SLC28A1: variants seen among roughly 807,000 people sequenced by gnomAD.
SLC28A1 encodes the protein solute carrier family 28 member 1, also known as sodium/nucleoside cotransporter 1.
A neutral mutation model predicts 74.8 loss-of-function variants in SLC28A1; 64 were observed. The ratio of observed to expected loss-of-function variants is 0.86; its 90% CI spans 0.70 to 1.05. The LOEUF (loss-of-function observed/expected upper bound fraction) is 1.05. SLC28A1 is among the 50% of genes least tolerant of loss of function. SLC28A1 has a pLI of 0.00. For synonymous variants in SLC28A1, 359 were observed against 335.0 expected, an observed-to-expected ratio of 1.07 and a Z score of -0.78; for missense variants, 828 against 822.8, an observed-to-expected ratio of 1.01 and a Z score of -0.08.
chr15:84,956,573 G>A, the SLC28A1 span, among the ~76,000 whole-genome samples: 3 of 151,046 alleles, frequency 2.0e-5, no homozygotes, highest in East Asian at 5.8e-4. Context: ...GCTCACTGCA[G>A]CCTCAACCTC....
intron 12 of SLC28A1, among the ~76,000 whole-genome samples, chr15:84,932,419 A>G (rs371077680): frequency 6.6e-6 from 1 of 152,344 alleles, no homozygotes; most frequent in East Asian, 1.9e-4. Flanking sequence ...TTGCTCTGCC[A>G]TCTTGCTGGG....
chr15:84,894,052 C>T (rs866289562), intron 5 of SLC28A1, among the ~76,000 whole-genome samples: 13 of 152,114 alleles, frequency 8.5e-5, no homozygotes, highest in Admixed American at 2.6e-4. Context: ...TTCCATTCTT[C>T]GAAGATCCTG....
chr15:84,889,363 G>C (rs569091846), intron 4 of SLC28A1, among the ~76,000 whole-genome samples: 2 of 152,164 alleles, frequency 1.3e-5, no homozygotes, highest in South Asian at 4.1e-4. Context: ...GTCCTTGTTG[G>C]CCAGATCCGG....
At position 84,945,246 on chromosome 15, in the gene SLC28A1, C is replaced by A. The variant is rs374446522; in HGVS notation, c.*46C>A. On this transcript the variant is annotated 3_prime_UTR_variant, in exon 19 of 19. Transcript: ENST00000394573. ...TCTGCGCTTCTGAGGGCTGTTCTCCCCCGGGAACCATCTGTCCCCACCTTC... is the reference window on the plus strand; with the variant it reads ...TCTGCGCTTCTGAGGGCTGTTCTCCACCGGGAACCATCTGTCCCCACCTTC... 1.9e-4 allele frequency: 295 copies of A among 1,566,990 alleles called. 1 individual carries two copies. The highest frequency in any genetic ancestry group is 1.1e-3 in the South Asian group (96 of 90,042).
intron 15 of SLC28A1, among the ~76,000 whole-genome samples, 161 bp from the exon 16 acceptor site, chr15:84,943,284 G>A (rs1972922243): frequency 6.6e-6 from 1 of 152,210 alleles, no homozygotes; most frequent in Non-Finnish European, 1.5e-5. Context: ...AGCCAACTTA[G>A]AGGTGGGATT....
the SLC28A1 span, among the ~76,000 whole-genome samples, chr15:84,969,780 T>C: frequency 1.3e-5 from 2 of 151,896 alleles, no homozygotes; most frequent in Non-Finnish European, 1.5e-5. Context: ...GGCAAAGGGG[T>C]GTAGTGGGAG....
intron 15 of SLC28A1, among the ~76,000 whole-genome samples, chr15:84,942,395 T>C (rs970053005): frequency 1.3e-5 from 2 of 152,232 alleles, no homozygotes; most frequent in Non-Finnish European, 2.9e-5. Context: ...TCTAACTATT[T>C]TTTTGTACCC....
intron 1 of SLC28A1, chr15:84,886,405 T>C (rs762379969): frequency 2.0e-6 from 2 of 984,788 alleles, no homozygotes; most frequent in Non-Finnish European, 2.4e-6. Flanking sequence ...AATAATCACA[T>C]AGGTGGCTTC....
chr15:84,956,554 A>G, the SLC28A1 span, among the ~76,000 whole-genome samples: 3 of 149,992 alleles, frequency 2.0e-5, no homozygotes, highest in Non-Finnish European at 4.4e-5. Context: ...GTGCAGTGGC[A>G]CAATCATGGC....
At chr15:84,920,388 G>C (rs1969661593) in intron 10 of SLC28A1, among the ~76,000 whole-genome samples, 1 of 150,950 alleles carries the variant, frequency 6.6e-6, no homozygotes, top group Admixed American at 6.7e-5. Context: ...AGAGGTTGCA[G>C]TGAGCCAAGA....
chr15:84,965,030 G>A, the SLC28A1 span, among the ~76,000 whole-genome samples: 5 of 149,232 alleles, frequency 3.4e-5, no homozygotes, highest in Non-Finnish European at 7.4e-5. Context: ...ATATGGTTTG[G>A]CTGTGTCCCC....
intron 12 of SLC28A1, among the ~76,000 whole-genome samples, chr15:84,926,067 T>C (rs1446878800): frequency 1.4e-5 from 2 of 140,502 alleles, no homozygotes; most frequent in Non-Finnish European, 3.0e-5. Flanking sequence ...TTTTATTCTA[T>C]ATATAATATT....
chr15:84,912,141 T>G (rs920260132), intron 9 of SLC28A1, among the ~76,000 whole-genome samples: 2 of 152,176 alleles, frequency 1.3e-5, no homozygotes, highest in African/African-American at 2.4e-5. Flanking sequence ...GGCCACAGAA[T>G]TCTCTTTCTC....
At chr15:84,975,298 C>G in the SLC28A1 span, among the ~76,000 whole-genome samples, 1 of 152,124 alleles carries the variant, frequency 6.6e-6, no homozygotes, top group Non-Finnish European at 1.5e-5. Context: ...GAGTTGATTC[C>G]CAGGCATCTT....
At chr15:84,895,484 G>A in intron 6 of SLC28A1, 1 of 1,607,856 alleles carries the variant, frequency 6.2e-7, no homozygotes, top group Non-Finnish European at 8.5e-7. Flanking sequence ...GGGGGATTCA[G>A]CAGGCTCGAT....
Position 84,933,143 on chromosome 15 carries a change from A to T in SLC28A1, c.1084-2A>T, listed in dbSNP as rs1295625650. 1.2e-6 allele frequency: 2 copies of T among 1,613,058 alleles called. No homozygotes were observed. On this transcript the variant is annotated splice_acceptor_variant, in intron 12 of 18. Coordinates refer to ENST00000394573, the MANE Select transcript of SLC28A1 (RefSeq NM_004213.5). LOFTEE classifies it high-confidence loss of function. ...CTAGAACCTGCACTCTCACTCTTGC[A>T]GATCGATGCCACCTCGTTGATTGCA...
chr15:84,892,882 C>G (rs753753711), intron 5 of SLC28A1, among the ~76,000 whole-genome samples: 1 of 152,182 alleles, frequency 6.6e-6, no homozygotes, highest in South Asian at 2.1e-4. Flanking sequence ...CTTGCCCGCT[C>G]TCCCAGCCAA....
the SLC28A1 span, among the ~76,000 whole-genome samples, chr15:84,969,757 T>C: frequency 6.6e-6 from 1 of 152,136 alleles, no homozygotes; most frequent in Non-Finnish European, 1.5e-5. Flanking sequence ...TCCATCGCTA[T>C]GTAAAGGGCT....
intron 5 of SLC28A1, among the ~76,000 whole-genome samples, chr15:84,893,570 C>CG (rs1555442533): frequency 2.6e-5 from 4 of 151,832 alleles, no homozygotes; most frequent in Non-Finnish European, 5.9e-5. Flanking sequence ...TGGGGGTCAC[C>CG]GGGGGGGCTT....
Sources: allele counts gnomAD v4.1 joint callset (sites outside exome capture counted in the v4.1 genomes callset), GRCh38; gene constraint gnomAD v4.1.1; transcripts MANE v1.5; gene names NCBI Gene and HGNC (gene_info 2026-07-23, HGNC 2026-07-21).